Variants in PRKACB observed in about 807,000 individuals in gnomAD.
PRKACB encodes protein kinase cAMP-activated catalytic subunit beta.
In PRKACB, 16 loss-of-function variants were observed where a neutral mutation model predicts 51.4. The ratio of observed to expected loss-of-function variants is 0.31; its 90% CI spans 0.21 to 0.47. The LOEUF is 0.47. PRKACB is among the 20% of genes least tolerant of loss of function. The pLI is 1.00. For missense variants in PRKACB, 309 were observed against 464.5 expected (o/e 0.67, Z 3.08); for synonymous variants, 147 against 154.4 (o/e 0.95, Z 0.35).
At chr1:84,104,453 G>C (rs1164032506) in intron 1 of PRKACB, among the ~76,000 whole-genome samples, 1 of 152,098 alleles carries the variant, frequency 6.6e-6, no homozygotes, top group Non-Finnish European at 1.5e-5. Flanking sequence ...ATGGGGTGCA[G>C]ATGTCTCTTC....
chr1:84,177,882 G>A (rs1323062114), intron 1 of PRKACB, among the ~76,000 whole-genome samples: 7 of 151,954 alleles, frequency 4.6e-5, no homozygotes, highest in Non-Finnish European at 7.4e-5. Context: ...TTCCTACAAT[G>A]GGAAAATTCT....
chr1:84,177,751 A>C (rs976632599), intron 1 of PRKACB, among the ~76,000 whole-genome samples: 1 of 151,994 alleles, frequency 6.6e-6, no homozygotes, highest in East Asian at 1.9e-4. Context: ...TAAAAAAAGT[A>C]ATAGAAAGAA....
At chr1:84,153,173 C>G (rs1303699455) in intron 1 of PRKACB, among the ~76,000 whole-genome samples, 1 of 152,014 alleles carries the variant, frequency 6.6e-6, no homozygotes, top group East Asian at 1.9e-4. Context: ...TTAAGCTCAC[C>G]ATTTTATTTG....
chr1:84,089,521 C>G (rs113624498), intron 1 of PRKACB, among the ~76,000 whole-genome samples: 1 of 152,136 alleles, frequency 6.6e-6, no homozygotes, highest in Admixed American at 6.5e-5. Context: ...GTTTCTCATC[C>G]TTGTTGCTGT....
At chr1:84,119,200 C>T (rs972516928) in intron 1 of PRKACB, among the ~76,000 whole-genome samples, 5 of 152,076 alleles carry the variant, frequency 3.3e-5, no homozygotes, top group African/African-American at 1.2e-4. Flanking sequence ...GACTGAAATA[C>T]TTCTGAGAAA....
chr1:84,089,660 T>C (rs189786564), intron 1 of PRKACB, among the ~76,000 whole-genome samples: 1 of 152,304 alleles, frequency 6.6e-6, no homozygotes, highest in East Asian at 1.9e-4. Context: ...GACTCATCTA[T>C]CATCACTGCA....
intron 9 of PRKACB, among the ~76,000 whole-genome samples, chr1:84,218,029 T>C (rs975906333): frequency 5.9e-5 from 9 of 152,198 alleles, no homozygotes; most frequent in African/African-American, 2.2e-4. Context: ...TGCTGCATAC[T>C]ATTTTTATAT....
intron 1 of PRKACB, among the ~76,000 whole-genome samples, chr1:84,137,733 C>A (rs189728272): frequency 4.8e-4 from 73 of 152,224 alleles, no homozygotes; most frequent in Non-Finnish European, 9.3e-4. Flanking sequence ...AGTTGTTAAC[C>A]TACCTACCAG....
At chr1:84,117,182 T>C (rs1253834187) in intron 1 of PRKACB, among the ~76,000 whole-genome samples, 1 of 152,172 alleles carries the variant, frequency 6.6e-6, no homozygotes, top group Non-Finnish European at 1.5e-5. Context: ...TTATTATCTT[T>C]TTGATGTGCT....
chr1:84,115,748 G>A (rs1650580399), intron 1 of PRKACB, among the ~76,000 whole-genome samples: 1 of 151,764 alleles, frequency 6.6e-6, no homozygotes, highest in South Asian at 2.1e-4. Flanking sequence ...TGGGCGTGGT[G>A]GTGCATGCCT....
chr1:84,183,986 C>T (rs765324719), intron 3 of PRKACB, 51 bp from the exon 4 acceptor site: 1 of 1,456,896 alleles, frequency 6.9e-7, no homozygotes, highest in Non-Finnish European at 9.1e-7. Flanking sequence ...TAAATGATAA[C>T]TTTTTAATTT....
chr1:84,087,086 G>T (rs1156854131), intron 1 of PRKACB, among the ~76,000 whole-genome samples: 2 of 152,222 alleles, frequency 1.3e-5, no homozygotes, highest in Non-Finnish European at 2.9e-5. Context: ...AATAAAACAT[G>T]AAACATTCTA....
chr1:84,166,913 A>G (rs1021937172), intron 1 of PRKACB, among the ~76,000 whole-genome samples: 1 of 151,660 alleles, frequency 6.6e-6, no homozygotes, highest in Non-Finnish European at 1.5e-5. Context: ...CGTTCAGTTC[A>G]AAAGTGGATT....
At chr1:84,230,902 C>T (rs1317126479) in intron 9 of PRKACB, among the ~76,000 whole-genome samples, 463 of 136,210 alleles carry the variant, frequency 3.4e-3, no homozygotes, top group East Asian at 0.015. Context: ...TCCTCTTTTC[C>T]TAATTGAATA....
chr1:84,094,433 T>G (rs1648766336), intron 1 of PRKACB, among the ~76,000 whole-genome samples: 1 of 152,030 alleles, frequency 6.6e-6, no homozygotes. Context: ...TGAATTTGGT[T>G]TGCTAAAATG....
chr1:84,128,326 C>T (rs920445481), intron 1 of PRKACB, among the ~76,000 whole-genome samples: 1 of 151,996 alleles, frequency 6.6e-6, no homozygotes, highest in Non-Finnish European at 1.5e-5. Context: ...ATAGAACTGA[C>T]AGCTTTCATG....
chr1:84,140,248 A>G (rs1653272432), upstream of PRKACB, among the ~76,000 whole-genome samples: 1 of 152,194 alleles, frequency 6.6e-6, no homozygotes, highest in South Asian at 2.1e-4. Flanking sequence ...AAAGGTGCAA[A>G]TGCAATTCAA....
intron 1 of PRKACB, among the ~76,000 whole-genome samples, chr1:84,124,321 G>A (rs532102087): frequency 3.9e-5 from 6 of 152,256 alleles, no homozygotes; most frequent in Admixed American, 2.6e-4. Context: ...GGAGAAAGTC[G>A]TCTTACATAA....
intron 9 of PRKACB, among the ~76,000 whole-genome samples, chr1:84,216,653 C>G (rs756507186): frequency 2.0e-5 from 3 of 152,118 alleles, no homozygotes; most frequent in Non-Finnish European, 4.4e-5. Flanking sequence ...TTAATAAAAG[C>G]AACTCCCTAT....
Sources: gnomAD v4.1 joint callset for allele counts (sites outside exome capture counted in the v4.1 genomes callset) on GRCh38, gnomAD v4.1.1 for gene constraint, MANE v1.5 for transcripts, NCBI Gene and HGNC (gene_info 2026-07-23, HGNC 2026-07-21) for gene names.